The following AMY2B variants were observed in gnomAD, a reference collection of about 807,000 sequenced individuals.
AMY2B encodes the protein alpha-amylase 2B.
A neutral mutation model predicts 59.3 loss-of-function variants in AMY2B; 63 were observed. The observed-to-expected ratio is 1.06, with a 90% confidence interval of 0.87 to 1.31. The LOEUF (loss-of-function observed/expected upper bound fraction) is 1.31. Ranked by LOEUF, AMY2B falls within the 50% of genes most tolerant of loss-of-function variation. The probability of loss-of-function intolerance (pLI) is 0.00; values close to 1 mark genes in which losing one functional copy is unlikely to be tolerated. For missense variants in AMY2B, 635 were observed against 626.7 expected (o/e 1.01, Z -0.14); for synonymous variants, 180 against 198.1 (o/e 0.91, Z 0.77).
In AMY2B at chr1:103,573,819, T is replaced by C. The variant is rs751750690; in HGVS notation, c.625T>C (p.Phe209Leu). The C allele has an allele frequency of 4.3e-6, 7 of 1,613,596 alleles. No homozygotes were observed. Among genetic ancestry groups the C allele is most frequent in the African/African-American group, 1.3e-5 (1 of 74,862 alleles). ...TCTCATTGACATTGGTGTTGCAGGGTTCAGACTTGATGCTTCCAAGCACAT... is the reference window on the plus strand; with the variant it reads ...TCTCATTGACATTGGTGTTGCAGGGCTCAGACTTGATGCTTCCAAGCACAT... ...NHLIDIGVAGFRLDASKHMWP... is the reference protein window; with the variant it reads ...NHLIDIGVAGLRLDASKHMWP... Residue 209 changes from phenylalanine (F) to leucine (L), a missense_variant, in exon 4 of 10, where the codon TTC (phenylalanine) becomes CTC (leucine). Transcript: ENST00000684275.
At chr1:103,573,598 G>T (rs1570647220) in intron 3 of AMY2B, 110 bp from the exon 4 acceptor site, 6 of 1,503,944 alleles carry the variant, frequency 4.0e-6, no homozygotes, top group Non-Finnish European at 5.5e-6. Flanking sequence ...ATGCAAGGAA[G>T]TCACTATAGA....
intron 4 of AMY2B, 134 bp from the exon 5 acceptor site, chr1:103,574,126 A>G (rs1652250572): frequency 4.1e-6 from 6 of 1,478,014 alleles, no homozygotes; most frequent in African/African-American, 1.4e-5. Flanking sequence ...CAAGACAAAA[A>G]GAAATAATAA....
chr1:103,561,318 A>T (rs1570636617), intron 1 of AMY2B, among the ~76,000 whole-genome samples: 1 of 152,104 alleles, frequency 6.6e-6, no homozygotes, highest in South Asian at 2.1e-4. Context: ...CCCAGGCTGG[A>T]GTGCAGTGGC....
chr1:103,572,562 G>A (rs1652178062), intron 2 of AMY2B, among the ~76,000 whole-genome samples: 2 of 152,110 alleles, frequency 1.3e-5, no homozygotes, highest in Admixed American at 1.3e-4. Context: ...TATAATTCCA[G>A]TTACAATATT....
chr1:103,567,552 C>T (rs1315273861), upstream of AMY2B, among the ~76,000 whole-genome samples: 1 of 152,174 alleles, frequency 6.6e-6, no homozygotes, highest in African/African-American at 2.4e-5. Context: ...TATACCTTGT[C>T]TATGCCCTAG....
Position 103,577,529 on chromosome 1 carries a change from G to A in AMY2B, c.1141G>A (p.Val381Ile), listed in dbSNP as rs139850931. The stretch of plus-strand genomic sequence containing the variant: ...GGTTGGGCCACCAAATAATAATGGA[G>A]TAATTAAAGAAGTTACTATTAATCC... The part of the protein sequence containing the change: ...DWVGPPNNNG[V>I]IKEVTINPDT... Residue 381 changes from valine to isoleucine, a missense_variant, in exon 8 of 10, where the codon GTA (valine) becomes ATA (isoleucine). Physicochemically the swap from Val to Ile is conservative, Grantham distance 29. Transcript: ENST00000684275. 9.4e-5 allele frequency: 152 copies of A among 1,611,794 alleles called. No homozygotes were observed. Among genetic ancestry groups the A allele is most frequent in the Non-Finnish European group, 1.2e-4 (138 of 1,179,814 alleles).
Position 103,575,461 on chromosome 1 carries a change from G to T in AMY2B, c.1022G>T (p.Gly341Val), listed in dbSNP as rs1278577178. Residue 341 changes from glycine to valine, a missense_variant, in exon 7 of 10, where the codon GGA becomes GTA. Transcript: ENST00000684275. ...WDARLYKMAV[G>V]FMLAHPYGFT... The stretch of plus-strand genomic sequence containing the variant: ...TTCAGGCTGTATAAAATGGCAGTTG[G>T]ATTTATGCTTGCTCATCCTTATGGT... 6.2e-7 allele frequency: 1 copy of T among 1,613,496 alleles called. No homozygotes were observed. The highest frequency in any genetic ancestry group is 2.2e-5 in the East Asian group (1 of 44,854).
At chr1:103,559,393 C>T (rs535393964) in intron 1 of AMY2B, among the ~76,000 whole-genome samples, 1 of 152,234 alleles carries the variant, frequency 6.6e-6, no homozygotes, top group South Asian at 2.1e-4. Flanking sequence ...GACATTTGCA[C>T]AGTGGCTTAA....
upstream of AMY2B, chr1:103,568,222 G>C (rs917911785): frequency 6.6e-6 from 1 of 152,192 alleles, no homozygotes; most frequent in Non-Finnish European, 1.5e-5. Context: ...TTAGCAAAAA[G>C]CAGACACACA....
rs1345757468 is a variant in AMY2B, at chr1:103,574,173, A to G, written c.745-87A>G. The stretch of plus-strand genomic sequence containing the variant: ...TATTAATAAATAACAAATAGCTTAA[A>G]GCTATCTTTTATATAATATTAACTT... On this transcript the variant is annotated intron_variant, in intron 4 of 9. Coordinates refer to ENST00000684275, the MANE Select transcript of AMY2B (RefSeq NM_001387437.1). 11 of 1,568,920 alleles carry G rather than the reference A, an allele frequency of 7.0e-6. No homozygotes were observed. In the East Asian group the frequency reaches 2.5e-4, roughly 36 times the overall value.
chr1:103,555,024 G>A (rs1221474147), exon 1 of AMY2B: 5 of 151,824 alleles, frequency 3.3e-5, no homozygotes, highest in African/African-American at 1.2e-4. Flanking sequence ...GGGCTTTTAT[G>A]ATGTTTTAGG....
rs377565744 is a variant in AMY2B, at chr1:103,573,954, T to C, written c.744+16T>C. On this transcript the variant is annotated intron_variant, in intron 4 of 9. Coordinates refer to ENST00000684275, the MANE Select transcript of AMY2B (RefSeq NM_001387437.1). ...TTACCAGGAGGTACATCAATACATA[T>C]ATGCATATAAAATATCATCTTATTC... The C allele has an allele frequency of 3.7e-6, 6 of 1,613,536 alleles. No homozygotes were observed. The highest frequency in any genetic ancestry group is 2.7e-5 in the African/African-American group (2 of 74,902).
intron 9 of AMY2B, among the ~76,000 whole-genome samples, chr1:103,578,374 A>G (rs1445418843): frequency 6.6e-6 from 1 of 151,710 alleles, no homozygotes; most frequent in East Asian, 1.9e-4. Flanking sequence ...GTGGTTAATG[A>G]TTGGCTTCAG....
At chr1:103,574,930 T>C (rs930213512) in intron 5 of AMY2B, among the ~76,000 whole-genome samples, 2 of 151,382 alleles carry the variant, frequency 1.3e-5, no homozygotes, top group African/African-American at 4.8e-5. Context: ...AAAAATCTTA[T>C]ATTTGTAATA....
upstream of AMY2B, chr1:103,568,920 G>T (rs1376284295): frequency 2.0e-5 from 3 of 151,954 alleles, no homozygotes; most frequent in African/African-American, 7.3e-5. Context: ...AAAGGAAAAA[G>T]ATTCAATCCA....
intron 9 of AMY2B, among the ~76,000 whole-genome samples, chr1:103,578,201 T>G (rs557645765): frequency 1.6e-4 from 24 of 152,348 alleles, no homozygotes; most frequent in Non-Finnish European, 2.8e-4. Flanking sequence ...ATTCCTGTTT[T>G]TTTAATCATG....
At chr1:103,577,329 G>T (rs960492046) in intron 7 of AMY2B, 161 bp from the exon 8 acceptor site, 3 of 1,312,534 alleles carry the variant, frequency 2.3e-6, no homozygotes. Context: ...AGATGATGAA[G>T]ACCCAGTAAA....
chr1:103,573,670 G>T (rs767464994), intron 3 of AMY2B, 38 bp from the exon 4 acceptor site: 1 of 1,610,230 alleles, frequency 6.2e-7, no homozygotes, highest in South Asian at 1.1e-5. Flanking sequence ...TGAAAAATGA[G>T]GTTTTATGAA....
chr1:103,564,112 T>C (rs1651827197), intron 1 of AMY2B, among the ~76,000 whole-genome samples: 1 of 152,150 alleles, frequency 6.6e-6, no homozygotes, highest in Non-Finnish European at 1.5e-5. Flanking sequence ...TTTTACCATA[T>C]CCATACATTG....
Sources: allele counts gnomAD v4.1 joint callset (sites outside exome capture counted in the v4.1 genomes callset), GRCh38; gene constraint gnomAD v4.1.1; transcripts MANE v1.5; gene names NCBI Gene and HGNC (gene_info 2026-07-23, HGNC 2026-07-21).